DDB1: variants seen among roughly 807,000 people sequenced by gnomAD.
DDB1 encodes damage specific DNA binding protein 1, also known as DNA damage-binding protein 1.
DDB1 carries 18 observed loss-of-function variants against 133.1 expected under a neutral mutation model. The observed-to-expected ratio is 0.14, with a 90% CI of 0.09 to 0.20. The LOEUF (loss-of-function observed/expected upper bound fraction) is 0.20, where lower values mean the gene tolerates loss of function less well. DDB1 is among the 10% of genes least tolerant of loss of function. The pLI, the probability that DDB1 is intolerant of heterozygous loss-of-function variation, is 1.00. For missense variants in DDB1, 828 were observed against 1,459.2 expected (o/e 0.57, Z 7.05); for synonymous variants, 580 against 550.5 (o/e 1.05, Z -0.75).
chr11:61,330,742 G>A (rs1449301971), intron 2 of DDB1, among the ~76,000 whole-genome samples: 1 of 151,604 alleles, frequency 6.6e-6, no homozygotes, highest in Non-Finnish European at 1.5e-5. Flanking sequence ...TGCAACCTCC[G>A]CCTCCTGAGT....
chr11:61,305,326 G>A (rs1000506153), intron 21 of DDB1, among the ~76,000 whole-genome samples: 1 of 152,194 alleles, frequency 6.6e-6, no homozygotes, highest in African/African-American at 2.4e-5. Context: ...GGCCAACGTG[G>A]TGAAACCCCA....
chr11:61,321,374 A>C (rs1449567679), intron 10 of DDB1: 3 of 460,908 alleles, frequency 6.5e-6, no homozygotes, highest in Non-Finnish European at 1.2e-5. Context: ...CTAGTCCTCT[A>C]TTCCACTACC....
intron 3 of DDB1, 152 bp downstream of exon 3, chr11:61,329,806 C>T (rs1478097568): frequency 1.2e-5 from 9 of 756,692 alleles, no homozygotes; most frequent in Admixed American, 5.0e-5. Flanking sequence ...GAGTGAACTA[C>T]AGGAGTCCTT....
At chr11:61,319,069 G>C in intron 10 of DDB1, among the ~76,000 whole-genome samples, 1 of 152,182 alleles carries the variant, frequency 6.6e-6, no homozygotes, top group South Asian at 2.1e-4. Context: ...AGCCAGGCGT[G>C]GTGGCGCATG....
chr11:61,311,294 A>AACATAACATAACATAAC, intron 18 of DDB1: 1 of 150,632 alleles, frequency 6.6e-6, no homozygotes, highest in Admixed American at 6.6e-5. Flanking sequence ...AACATAACAT[A>AACATAACATAACATAAC]ACATAACATA....
chr11:61,301,000 A>C (rs1039971061), intron 25 of DDB1, 68 bp from the exon 26 acceptor site: 2 of 1,598,088 alleles, frequency 1.3e-6, no homozygotes, highest in Admixed American at 3.4e-5. Context: ...CCACCTTTGA[A>C]TAAGACCACA....
At position 61,302,747 on chromosome 11, in the gene DDB1, C is replaced by T; in HGVS notation, c.2947G>A (p.Ala983Thr). The T allele has an allele frequency of 6.2e-7, 1 of 1,614,214 alleles. No individual in the cohort carries two copies. The highest frequency in any genetic ancestry group is 1.3e-5 in the African/African-American group (1 of 75,062). ...TGCTGCCGCTCCTCGTCAGTGGTGG[C>T]AGCGCTGAAAGGCGGTAAGAAAGTC... The part of the protein sequence containing the change: ...NLFVCQKDSA[A>T]TTDEERQHLQ... The change falls in exon 24 of 27, where the codon GCC becomes ACC. Residue 983 changes from alanine (A) to threonine (T), a missense_variant. Physicochemically the swap from Ala to Thr is moderately conservative, Grantham distance 58. This residue lies in a region of DDB1 where 116 missense variants were observed against 221.6 expected (regional missense o/e 0.52). Coordinates refer to ENST00000301764, the MANE Select transcript of DDB1 (RefSeq NM_001923.5).
At chr11:61,309,102 A>G (rs1200139076) in intron 20 of DDB1, 25 bp from the exon 21 acceptor site, 1 of 1,603,840 alleles carries the variant, frequency 6.2e-7, no homozygotes, top group Non-Finnish European at 8.5e-7. Flanking sequence ...AATATGTTTG[A>G]GTCTCTATGA....
chr11:61,302,458 T>C (rs1282181326), intron 24 of DDB1, 99 bp from the exon 25 acceptor site: 5 of 1,564,260 alleles, frequency 3.2e-6, no homozygotes, highest in Non-Finnish European at 4.4e-6. Flanking sequence ...CAGGGAGGGC[T>C]AATGTGCTGC....
At chr11:61,323,363 T>C in intron 7 of DDB1, 1 of 422,240 alleles carries the variant, frequency 2.4e-6, no homozygotes, top group Non-Finnish European at 4.3e-6. Flanking sequence ...AGTATTAATA[T>C]TAAACTTTTT....
At chr11:61,322,566 C>T (rs960874242) in intron 8 of DDB1, 154 bp from the exon 9 acceptor site, 20 of 644,042 alleles carry the variant, frequency 3.1e-5, no homozygotes, top group Middle Eastern at 5.1e-4. Flanking sequence ...GGACTATTGA[C>T]GAAAGAATAT....
chr11:61,323,939 TAA>T, intron 7 of DDB1, 38 bp downstream of exon 7: 4 of 1,610,890 alleles, frequency 2.5e-6, no homozygotes, highest in Non-Finnish European at 3.4e-6. Flanking sequence ...TTTAGGAACC[TAA>T]AAGAACATTG....
chr11:61,330,204 G>A (rs761168614), intron 2 of DDB1, 130 bp from the exon 3 acceptor site: 17 of 687,564 alleles, frequency 2.5e-5, no homozygotes, highest in Non-Finnish European at 3.6e-5. Context: ...AATACATGGT[G>A]AGCTTGTAAC....
chr11:61,316,942 G>GATAGATATATATATAGAT (rs1156290535), intron 10 of DDB1, among the ~76,000 whole-genome samples: 1 of 27,032 alleles, frequency 3.7e-5, no homozygotes, highest in Non-Finnish European at 8.1e-5. Context: ...AAAAAAAAAG[G>GATAGATATATATATAGAT]ATAGATATAT....
chr11:61,330,216 C>T, intron 2 of DDB1, 142 bp from the exon 3 acceptor site: 1 of 629,974 alleles, frequency 1.6e-6, no homozygotes, highest in East Asian at 2.8e-5. Context: ...GCTTGTAACC[C>T]ACACTAGGTA....
At position 61,331,642 on chromosome 11, in the gene DDB1, C is replaced by T; in HGVS notation, c.111G>A (p.Thr37=). ...EDLNLLIAKN[T]RLEIYVVTAE... ...CGGTGACCACATAGATCTCTAATCT[C>T]GTGTTTTTGGCAATCAACAGGTTTA... The change falls in exon 2 of 27, where the codon ACG becomes ACA. Residue 37 remains threonine (T), a synonymous_variant. Transcript: ENST00000301764. The T allele has an allele frequency of 6.2e-7, 1 of 1,614,168 alleles. No individual in the cohort carries two copies. The highest frequency in any genetic ancestry group is 8.5e-7 in the Non-Finnish European group (1 of 1,180,046).
In DDB1 at chr11:61,323,820, T is replaced by C. The variant is rs1007465637; in HGVS notation, c.921+159A>G. ...CACAGGATCCTGTGAGATGCTCCAATACCTAACTCATTCAACAGTCAACTT... is the reference window on the plus strand; with the variant it reads ...CACAGGATCCTGTGAGATGCTCCAACACCTAACTCATTCAACAGTCAACTT... On this transcript the variant is annotated intron_variant, in intron 7 of 26. Coordinates refer to ENST00000301764, the MANE Select transcript of DDB1 (RefSeq NM_001923.5). 1.1e-5 allele frequency: 8 copies of C among 726,814 alleles called. No homozygotes were observed. In the African/African-American group the frequency reaches 1.2e-4, roughly 11 times the overall value. 45.0% of individuals were successfully genotyped at this position (726,814 alleles called of 1,614,324 possible).
chr11:61,316,634 A>G (rs919951280), intron 10 of DDB1, 67 bp from the exon 11 acceptor site: 22 of 1,519,552 alleles, frequency 1.4e-5, no homozygotes, highest in Non-Finnish European at 1.6e-5. Context: ...ATCTACGGAC[A>G]GGGCAGGCCA....
chr11:61,304,986 T>C (rs1477991554), intron 21 of DDB1, among the ~76,000 whole-genome samples: 5 of 152,118 alleles, frequency 3.3e-5, no homozygotes, highest in African/African-American at 4.8e-5. Context: ...TTATCATCAG[T>C]AGACAAATGG....
Sources: allele counts gnomAD v4.1 joint callset (sites outside exome capture counted in the v4.1 genomes callset), GRCh38; gene constraint gnomAD v4.1.1; regional missense constraint gnomAD v4.1.1; transcripts MANE v1.5; gene names NCBI Gene and HGNC (gene_info 2026-07-23, HGNC 2026-07-21).